TMEM163: variants seen among roughly 807,000 people sequenced by gnomAD.
TMEM163 encodes transmembrane protein 163.
Under a neutral mutation model 29.3 loss-of-function variants are expected in TMEM163, and 17 were observed. The ratio of observed to expected loss-of-function variants is 0.58; its 90% CI spans 0.40 to 0.87. The LOEUF is 0.87. Among genes scored for constraint, TMEM163 ranks in the 40% least tolerant of loss-of-function variants. The pLI, the probability that TMEM163 is intolerant of heterozygous loss-of-function variation, is 0.00. For missense variants in TMEM163, 303 were observed against 381.5 expected, an observed-to-expected ratio of 0.79 and a Z score of 1.71; for synonymous variants, 157 against 160.6, an observed-to-expected ratio of 0.98 and a Z score of 0.17.
Position 134,458,123 on chromosome 2 carries a change from C to T in TMEM163, c.718G>A (p.Ala240Thr), listed in dbSNP as rs201797469. 1.1e-4 allele frequency: 179 copies of T among 1,614,126 alleles called. 2 individuals are homozygous for T. In the Middle Eastern group the frequency reaches 4.1e-3, roughly 37 times the overall value. ...GVMGFSILLS[A>T]EVFKHDSAVW... Reference sequence around the variant, plus strand: ...GCCGAGTCATGCTTGAACACTTCCGCGCTCAGAAGAATGGAGAAGCCCATC... The same window carrying T: ...GCCGAGTCATGCTTGAACACTTCCGTGCTCAGAAGAATGGAGAAGCCCATC... Residue 240 changes from alanine to threonine, a missense_variant, in exon 7 of 8, where the codon GCG (alanine) becomes ACG (threonine). Around this residue, in one of 2 missense-constraint regions of TMEM163, gnomAD observed 203 missense variants for 294.3 expected, o/e 0.69. Coordinates refer to ENST00000281924, the MANE Select transcript of TMEM163 (RefSeq NM_030923.5).
At chr2:134,649,886 G>C (rs986027255) in intron 2 of TMEM163, among the ~76,000 whole-genome samples, 1 of 151,440 alleles carries the variant, frequency 6.6e-6, no homozygotes, top group Non-Finnish European at 1.5e-5. Flanking sequence ...CAGGCCTGTA[G>C]TCCCAGCTAC....
chr2:134,535,735 TTG>T (rs1680523911), intron 4 of TMEM163, among the ~76,000 whole-genome samples: 1 of 151,770 alleles, frequency 6.6e-6, no homozygotes, highest in African/African-American at 2.4e-5. Flanking sequence ...TTTTGTTTGT[TTG>T]TTTTTTTTGA....
At chr2:134,534,685 T>C (rs1680492244) in intron 4 of TMEM163, among the ~76,000 whole-genome samples, 1 of 151,616 alleles carries the variant, frequency 6.6e-6, no homozygotes, top group South Asian at 2.1e-4. Flanking sequence ...ACCCGGGAAG[T>C]GGAGGTTGCA....
chr2:134,607,721 G>A (rs1230390241), intron 2 of TMEM163, among the ~76,000 whole-genome samples: 3 of 70,222 alleles, frequency 4.3e-5, no homozygotes, highest in African/African-American at 1.6e-4. Flanking sequence ...CCCGAGAACT[G>A]TGCTGGTGAA....
chr2:134,543,847 C>T (rs1343537258), intron 4 of TMEM163, among the ~76,000 whole-genome samples: 1 of 152,230 alleles, frequency 6.6e-6, no homozygotes, highest in Non-Finnish European at 1.5e-5. Context: ...ATGCCTCTCT[C>T]AGGACATCCA....
intron 2 of TMEM163, among the ~76,000 whole-genome samples, chr2:134,677,187 T>C (rs186739186): frequency 1.1e-4 from 16 of 152,328 alleles, no homozygotes; most frequent in African/African-American, 3.1e-4. Flanking sequence ...CAGAGAATTA[T>C]GGCTTTGAAG....
At chr2:134,598,920 CAAAAA>C (rs796382637) in intron 2 of TMEM163, among the ~76,000 whole-genome samples, 1 of 65,924 alleles carries the variant, frequency 1.5e-5, no homozygotes. Flanking sequence ...GACTCTATCT[CAAAAA>C]AAAAAAAAAA....
At chr2:134,701,916 CAAA>C (rs71301801) in intron 2 of TMEM163, among the ~76,000 whole-genome samples, 5,394 of 66,438 alleles carry the variant, frequency 0.081, 245 homozygotes, top group East Asian at 0.3. Flanking sequence ...AAAACTGTCT[CAAA>C]AAAAAAAAAA....
intron 6 of TMEM163, among the ~76,000 whole-genome samples, chr2:134,462,129 G>A (rs79055556): frequency 0.061 from 9,163 of 150,170 alleles, 425 homozygotes; most frequent in Middle Eastern, 0.23. Flanking sequence ...CTGGGAACAG[G>A]CTCGGGGGCG....
chr2:134,701,066 C>T (rs1684692748), intron 2 of TMEM163, among the ~76,000 whole-genome samples: 1 of 151,810 alleles, frequency 6.6e-6, no homozygotes, highest in South Asian at 2.1e-4. Context: ...GTCTAACCAG[C>T]AGTTGGAAGC....
intron 2 of TMEM163, among the ~76,000 whole-genome samples, chr2:134,578,040 G>T (rs528005354): frequency 1.8e-4 from 28 of 152,064 alleles, no homozygotes; most frequent in African/African-American, 6.0e-4. Flanking sequence ...TCTCGGGTGC[G>T]GAGGAATGAC....
chr2:134,697,282 C>A (rs565837129), intron 2 of TMEM163, among the ~76,000 whole-genome samples: 1 of 152,048 alleles, frequency 6.6e-6, no homozygotes, highest in Non-Finnish European at 1.5e-5. Flanking sequence ...TAACAGCAGA[C>A]GTCCTTATCT....
intron 2 of TMEM163, among the ~76,000 whole-genome samples, chr2:134,632,932 G>A (rs71417526): frequency 2.1e-5 from 1 of 46,728 alleles, no homozygotes; most frequent in African/African-American, 8.0e-5. Context: ...TTTTTTTTTT[G>A]TATTTTTAGT....
chr2:134,520,476 A>G (rs943916682), intron 4 of TMEM163, among the ~76,000 whole-genome samples: 3 of 152,340 alleles, frequency 2.0e-5, no homozygotes, highest in Non-Finnish European at 2.9e-5. Flanking sequence ...TCTCTATGCC[A>G]TGATTTCATT....
chr2:134,563,098 T>C (rs570888295), intron 2 of TMEM163, among the ~76,000 whole-genome samples: 5 of 152,324 alleles, frequency 3.3e-5, no homozygotes, highest in East Asian at 1.9e-4. Flanking sequence ...CCTGATATTC[T>C]ACACACTAGA....
At chr2:134,677,537 G>A (rs189084838) in intron 2 of TMEM163, among the ~76,000 whole-genome samples, 103 of 152,272 alleles carry the variant, frequency 6.8e-4, no homozygotes, top group African/African-American at 1.6e-3. Context: ...CTCTTGCGGG[G>A]AGCAGGGGGA....
chr2:134,624,125 C>A (rs1682796411), intron 2 of TMEM163, among the ~76,000 whole-genome samples: 1 of 152,198 alleles, frequency 6.6e-6, no homozygotes, highest in Non-Finnish European at 1.5e-5. Flanking sequence ...ACCTCCCAGG[C>A]ATCACCAGCC....
At chr2:134,646,604 C>T (rs1683343560) in intron 2 of TMEM163, among the ~76,000 whole-genome samples, 1 of 151,950 alleles carries the variant, frequency 6.6e-6, no homozygotes, top group Admixed American at 6.6e-5. Context: ...ATCACCATGC[C>T]CAGCTAATTT....
At chr2:134,507,081 A>G (rs1679840859) in intron 4 of TMEM163, among the ~76,000 whole-genome samples, 1 of 152,178 alleles carries the variant, frequency 6.6e-6, no homozygotes, top group African/African-American at 2.4e-5. Flanking sequence ...TCACGCCTGT[A>G]ATCCCAGGAC....
Sources: gnomAD v4.1 joint callset for allele counts (sites outside exome capture counted in the v4.1 genomes callset) on GRCh38, gnomAD v4.1.1 for gene constraint, gnomAD v4.1.1 regional missense constraint, MANE v1.5 for transcripts, NCBI Gene and HGNC (gene_info 2026-07-23, HGNC 2026-07-21) for gene names.